TEX9: variants seen among roughly 807,000 people sequenced by gnomAD.
TEX9 encodes the protein testis-expressed protein 9.
In TEX9, 74 loss-of-function variants were observed where a neutral mutation model predicts 59.6. The observed-to-expected ratio is 1.24, with a 90% confidence interval of 1.03 to 1.51. The LOEUF is 1.51. TEX9 is among the 40% of genes most tolerant of loss of function. The pLI, the probability that TEX9 is intolerant of heterozygous loss-of-function variation, is 0.00. For missense variants in TEX9, 522 were observed against 447.8 expected (o/e 1.17, Z -1.49); for synonymous variants, 186 against 152.2 (o/e 1.22, Z -1.64).
chr15:56,251,902 T>G (rs1296383783), intron 1 of TEX9, among the ~76,000 whole-genome samples: 2 of 151,260 alleles, frequency 1.3e-5, no homozygotes, highest in Non-Finnish European at 3.0e-5. Context: ...AGCTGGGGAG[T>G]GAAAAGTTTG....
intron 9 of TEX9, among the ~76,000 whole-genome samples, chr15:56,401,614 G>A (rs2048787732): frequency 6.6e-6 from 1 of 152,160 alleles, no homozygotes; most frequent in South Asian, 2.1e-4. Flanking sequence ...CCCAGGACTA[G>A]AACTCAGCTC....
intron 9 of TEX9, among the ~76,000 whole-genome samples, chr15:56,403,330 A>G (rs1211603648): frequency 6.6e-6 from 1 of 152,228 alleles, no homozygotes; most frequent in Non-Finnish European, 1.5e-5. Context: ...AAGCATTCCT[A>G]TACACCAATA....
At chr15:56,359,172 G>A (rs1220570672) in intron 1 of TEX9, among the ~76,000 whole-genome samples, 2 of 151,994 alleles carry the variant, frequency 1.3e-5, no homozygotes, top group African/African-American at 2.4e-5. Context: ...TATTTTATAG[G>A]ATACCCCTTT....
At chr15:56,304,354 C>T (rs999107897) in intron 1 of TEX9, among the ~76,000 whole-genome samples, 8 of 152,028 alleles carry the variant, frequency 5.3e-5, no homozygotes, top group African/African-American at 1.7e-4. Flanking sequence ...CAGTCTTTAC[C>T]CATTTAGTAT....
At chr15:56,322,328 G>T (rs1413270606) in intron 1 of TEX9, among the ~76,000 whole-genome samples, 1 of 152,132 alleles carries the variant, frequency 6.6e-6, no homozygotes. Context: ...TAACTACCCG[G>T]TCACCTTTGC....
At chr15:56,440,933 A>T (rs1361685245) in intron 12 of TEX9, among the ~76,000 whole-genome samples, 2 of 152,146 alleles carry the variant, frequency 1.3e-5, no homozygotes, top group African/African-American at 2.4e-5. Flanking sequence ...ACTATTGTGA[A>T]TAATGCTGCA....
At chr15:56,408,878 C>T (rs2049207722) in intron 9 of TEX9, 1 of 152,288 alleles carries the variant, frequency 6.6e-6, no homozygotes, top group Admixed American at 6.5e-5. Context: ...TTGGCAGTAC[C>T]ACAGTGGCCA....
chr15:56,459,143 T>G, the TEX9 span, among the ~76,000 whole-genome samples: 1 of 152,194 alleles, frequency 6.6e-6, no homozygotes, highest in Admixed American at 6.5e-5. Context: ...CCCTGGCACC[T>G]ACTTATCTAT....
At chr15:56,246,209 C>T (rs1377124198) in intron 1 of TEX9, among the ~76,000 whole-genome samples, 3 of 152,248 alleles carry the variant, frequency 2.0e-5, no homozygotes, top group Non-Finnish European at 4.4e-5. Context: ...CACGAAGCTG[C>T]AGCCGCGGGC....
chr15:56,367,817 T>G (rs1475561936), intron 2 of TEX9, among the ~76,000 whole-genome samples: 4 of 152,216 alleles, frequency 2.6e-5, no homozygotes, highest in African/African-American at 9.6e-5. Flanking sequence ...ATTTTTTCTA[T>G]TTTCTAATTG....
intron 11 of TEX9, among the ~76,000 whole-genome samples, chr15:56,428,004 G>A (rs1398905596): frequency 6.6e-6 from 1 of 152,022 alleles, no homozygotes; most frequent in East Asian, 1.9e-4. Flanking sequence ...ACTACAGAAA[G>A]TACCAAATTA....
At chr15:56,291,210 T>A (rs1446306328) in intron 1 of TEX9, among the ~76,000 whole-genome samples, 1 of 152,212 alleles carries the variant, frequency 6.6e-6, no homozygotes, top group Non-Finnish European at 1.5e-5. Flanking sequence ...ATGTGAAAGA[T>A]CTAGGTCAGA....
At chr15:56,290,637 T>C (rs1401250684) in intron 1 of TEX9, among the ~76,000 whole-genome samples, 1 of 152,136 alleles carries the variant, frequency 6.6e-6, no homozygotes, top group Non-Finnish European at 1.5e-5. Flanking sequence ...TTAATGTTTA[T>C]AGAGGTGGGT....
At chr15:56,271,296 T>C (rs1209649433) in intron 1 of TEX9, among the ~76,000 whole-genome samples, 2 of 152,194 alleles carry the variant, frequency 1.3e-5, no homozygotes, top group Non-Finnish European at 2.9e-5. Context: ...TTTGATCTTT[T>C]CACATAGTCC....
At chr15:56,271,262 T>A (rs1351051360) in intron 1 of TEX9, among the ~76,000 whole-genome samples, 2 of 152,192 alleles carry the variant, frequency 1.3e-5, no homozygotes, top group Non-Finnish European at 2.9e-5. Flanking sequence ...CCCGTCACTT[T>A]CAGGTATACC....
chr15:56,308,277 G>A (rs1037476915), intron 1 of TEX9, among the ~76,000 whole-genome samples: 1 of 152,156 alleles, frequency 6.6e-6, no homozygotes, highest in Non-Finnish European at 1.5e-5. Context: ...TACTGGGTGT[G>A]AAATGGTATC....
At position 56,443,285 on chromosome 15, in the gene TEX9, AT is replaced by A. The variant is rs1596261648; in HGVS notation, c.*30-2383del. 5.8e-6 allele frequency: 3 copies of A among 521,570 alleles called. No homozygotes were observed. The East Asian group carries it at 1.0e-4, about 18-fold the overall frequency. The allele number at this position is 521,570 out of a possible 1,614,324, so 32.3% of individuals were successfully genotyped here. ...GTCTATCTTTTTAGCCAGCTTGAAA[AT>A]TTCTGTCTTTTAACTGTAGTATACC... On this transcript the variant is annotated intron_variant, in intron 12 of 12. Coordinates refer to ENST00000352903, the Ensembl canonical transcript of TEX9.
At chr15:56,443,338 TG>T in intron 12 of TEX9, 1 of 896,166 alleles carries the variant, frequency 1.1e-6, no homozygotes, top group Non-Finnish European at 1.6e-6. Context: ...ATTACCAGTA[TG>T]GTTGGATTTA....
chr15:56,321,241 C>A (rs1304747582), intron 1 of TEX9, among the ~76,000 whole-genome samples: 1 of 152,090 alleles, frequency 6.6e-6, no homozygotes, highest in Non-Finnish European at 1.5e-5. Context: ...ATTTAAACCC[C>A]CTTGTCCCAG....
Sources: gnomAD v4.1 joint callset for allele counts (sites outside exome capture counted in the v4.1 genomes callset) on GRCh38, gnomAD v4.1.1 for gene constraint, MANE v1.5 for transcripts, NCBI Gene and HGNC (gene_info 2026-07-23, HGNC 2026-07-21) for gene names.